The following BPIFA2 variants were observed in gnomAD, a reference collection of about 807,000 sequenced individuals.
The protein encoded by BPIFA2 is BPI fold containing family A member 2.
Under a neutral mutation model 25.7 loss-of-function variants are expected in BPIFA2, and 20 were observed. That is an observed-to-expected ratio of 0.78 (90% CI 0.55 to 1.13). The LOEUF is 1.13. BPIFA2 is among the 50% of genes most tolerant of loss of function. The pLI is 0.00. For synonymous variants in BPIFA2, 126 were observed against 124.3 expected (o/e 1.01, Z -0.09); for missense variants, 300 against 298.1 (o/e 1.01, Z -0.05).
At chr20:33,169,851 T>C (rs1184505705) in intron 2 of BPIFA2, among the ~76,000 whole-genome samples, 1 of 152,230 alleles carries the variant, frequency 6.6e-6, no homozygotes, top group Non-Finnish European at 1.5e-5. Flanking sequence ...CTTGTGTTAA[T>C]TCAGTGAAAA....
chr20:33,179,655 C>T lies in BPIFA2; in HGVS notation c.697C>T (p.Gln233Ter), dbSNP rs149285854. ...CCACTCCCTGGATGTGAATGTCATT[C>T]AGCAGGTCGTCGGTAAGTCAATGGG... ...FIHSLDVNVI[Q>*]QVVDNPQHKT... is the part of the protein sequence containing the mutation. Residue 233 changes from glutamine (Q) to a stop codon, truncating the protein, a stop_gained, in exon 7 of 9, where the codon CAG (glutamine) becomes TAG (stop). Coordinates refer to ENST00000354932, the MANE Select transcript of BPIFA2 (RefSeq NM_080574.4). LOFTEE classifies it high-confidence loss of function. The T allele has an allele frequency of 1.4e-3, 2,233 of 1,611,882 alleles. 40 individuals are homozygous for T. The highest frequency in any genetic ancestry group is 0.014 in the South Asian group (1,257 of 91,044).
At chr20:33,180,275 T>G (rs759419022) in intron 7 of BPIFA2, among the ~76,000 whole-genome samples, 5 of 151,970 alleles carry the variant, frequency 3.3e-5, no homozygotes, top group Admixed American at 1.3e-4. Context: ...GTCCAGTCCC[T>G]TAGGCAGTCA....
In BPIFA2 at chr20:33,172,987, G is replaced by A. The variant is rs1347712940; in HGVS notation, c.213G>A (p.Trp71Ter). The A allele has an allele frequency of 3.1e-6, 5 of 1,613,924 alleles. No individual in the cohort carries two copies. The highest frequency in any genetic ancestry group is 2.2e-5 in the South Asian group (2 of 91,070). The change falls in exon 3 of 9, where the codon TGG (tryptophan) becomes TGA (stop). Residue 71 changes from tryptophan (W) to a stop codon, truncating the protein, a stop_gained. Coordinates refer to ENST00000354932, the MANE Select transcript of BPIFA2 (RefSeq NM_080574.4). LOFTEE classifies it high-confidence loss of function. ...DLGVLQKSSAWQLAKQKAQEA... is the reference protein window; with the variant it reads ...DLGVLQKSSA ...GAGTGCTTCAGAAATCCAGTGCTTGGCAACTGGCCAAGCAGAAGGCCCAGG... is the reference window on the plus strand; with the variant it reads ...GAGTGCTTCAGAAATCCAGTGCTTGACAACTGGCCAAGCAGAAGGCCCAGG...
At chr20:33,168,096 T>C (rs1187366435), upstream of BPIFA2, 1 of 152,096 alleles carries the variant, frequency 6.6e-6, no homozygotes, top group Non-Finnish European at 1.5e-5. Flanking sequence ...AAGGCTTGCT[T>C]CTGTGGGCAG....
intron 4 of BPIFA2, among the ~76,000 whole-genome samples, chr20:33,174,958 G>T (rs941760020): frequency 1.1e-4 from 16 of 152,166 alleles, no homozygotes; most frequent in Non-Finnish European, 8.8e-5. Context: ...CAAGAAATGA[G>T]CATGTGTGAA....
intron 2 of BPIFA2, 105 bp downstream of exon 2, chr20:33,169,407 T>G: frequency 8.4e-7 from 1 of 1,193,756 alleles, no homozygotes. Flanking sequence ...ATGGGCGGTT[T>G]ACTGAGAAAA....
upstream of BPIFA2, among the ~76,000 whole-genome samples, chr20:33,166,755 C>T (rs555598014): frequency 6.6e-6 from 1 of 152,258 alleles, no homozygotes; most frequent in South Asian, 2.1e-4. Flanking sequence ...CCAGGAACAG[C>T]GTGTTTACCC....
chr20:33,164,432 G>A (rs1246811788), upstream of BPIFA2, among the ~76,000 whole-genome samples: 1 of 152,154 alleles, frequency 6.6e-6, no homozygotes, highest in Non-Finnish European at 1.5e-5. Context: ...CTGGGTACTG[G>A]GACCTCGGAG....
chr20:33,174,115 A>T lies in BPIFA2; in HGVS notation c.339A>T (p.Lys113Asn). The T allele has an allele frequency of 1.9e-6, 3 of 1,614,170 alleles. No homozygotes were observed. Among genetic ancestry groups the T allele is most frequent in the Non-Finnish European group, 2.5e-6 (3 of 1,180,020 alleles). The change falls in exon 4 of 9, where the codon AAA becomes AAT. Residue 113 changes from lysine to asparagine, a missense_variant. Physicochemically the swap from Lys to Asn is moderately conservative, Grantham distance 94 (BLOSUM62 0). Coordinates refer to ENST00000354932, the MANE Select transcript of BPIFA2 (RefSeq NM_080574.4). ...GCAACTCCCTCATCCTGGATGTCAA[A>T]GCTGAACCGATCGATGATGGCAAAG... ...KISNSLILDVKAEPIDDGKGL... is the reference protein window; with the variant it reads ...KISNSLILDVNAEPIDDGKGL...
chr20:33,169,020 T>C (rs1268391145), intron 1 of BPIFA2, 111 bp from the exon 2 acceptor site: 6 of 1,024,162 alleles, frequency 5.9e-6, no homozygotes, highest in Non-Finnish European at 8.6e-6. Context: ...AAATAGGAAA[T>C]AACCACATCT....
At chr20:33,166,412 C>T (rs929481646), upstream of BPIFA2, among the ~76,000 whole-genome samples, 3 of 152,174 alleles carry the variant, frequency 2.0e-5, no homozygotes, top group African/African-American at 4.8e-5. Flanking sequence ...ACCATATGCG[C>T]ACATATTCAT....
chr20:33,175,354 G>A (rs1247619630), intron 4 of BPIFA2, 53 bp from the exon 5 acceptor site: 4 of 1,558,224 alleles, frequency 2.6e-6, no homozygotes, highest in Non-Finnish European at 3.5e-6. Flanking sequence ...ACCCAACTGG[G>A]CAACAGGCAG....
In BPIFA2 at chr20:33,175,519, G is replaced by T; in HGVS notation, c.523G>T (p.Ala175Ser). 6.2e-7 allele frequency: 1 copy of T among 1,614,092 alleles called. No individual in the cohort carries two copies. The highest frequency in any genetic ancestry group is 8.5e-7 in the Non-Finnish European group (1 of 1,180,004). ...HQPVAVLGEC[A>S]SDPTSISLSL... ...GCCTGTTGCCGTCCTGGGAGAATGC[G>T]CCAGTGACCCAACCAGCATCTCACT... Residue 175 changes from alanine (A) to serine (S), a missense_variant, in exon 5 of 9, where the codon GCC (alanine) becomes TCC (serine). Coordinates refer to ENST00000354932, the MANE Select transcript of BPIFA2 (RefSeq NM_080574.4).
chr20:33,174,096 C>T lies in BPIFA2; in HGVS notation c.320C>T (p.Ser107Phe). ...TDIFGLKISNSLILDVKAEPI... is the reference protein window; with the variant it reads ...TDIFGLKISNFLILDVKAEPI... ...TCACACAGGTTGAAAATCAGCAACTCCCTCATCCTGGATGTCAAAGCTGAA... is the reference window on the plus strand; with the variant it reads ...TCACACAGGTTGAAAATCAGCAACTTCCTCATCCTGGATGTCAAAGCTGAA... Residue 107 changes from serine to phenylalanine, a missense_variant, in exon 4 of 9, where the codon TCC (serine) becomes TTC (phenylalanine). Transcript: ENST00000354932. 1 of 1,614,162 alleles carries T rather than the reference C, an allele frequency of 6.2e-7. No homozygotes were observed. The highest frequency in any genetic ancestry group is 8.5e-7 in the Non-Finnish European group (1 of 1,180,004).
At chr20:33,173,638 G>A (rs1568608329) in intron 3 of BPIFA2, among the ~76,000 whole-genome samples, 1 of 152,160 alleles carries the variant, frequency 6.6e-6, no homozygotes, top group Non-Finnish European at 1.5e-5. Context: ...CTGAGTAGCT[G>A]GGATTAGAGG....
chr20:33,168,583 TTACTG>T (rs1413053519), intron 1 of BPIFA2, among the ~76,000 whole-genome samples: 83 of 152,340 alleles, frequency 5.4e-4, no homozygotes, highest in African/African-American at 1.8e-3. Context: ...ATTTATTCGT[TTACTG>T]TACTGTACTA....
Position 33,174,116 on chromosome 20 carries a change from G to A in BPIFA2, c.340G>A (p.Ala114Thr), listed in dbSNP as rs775821860. 4.3e-6 allele frequency: 7 copies of A among 1,614,084 alleles called. No homozygotes were observed. In the South Asian group the frequency reaches 7.7e-5, roughly 18 times the overall value. The change falls in exon 4 of 9, where the codon GCT becomes ACT. Residue 114 changes from alanine (A) to threonine (T), a missense_variant. Transcript: ENST00000354932. Reference protein sequence around the residue: ...ISNSLILDVKAEPIDDGKGLN... With the variant: ...ISNSLILDVKTEPIDDGKGLN... ...CAACTCCCTCATCCTGGATGTCAAAGCTGAACCGATCGATGATGGCAAAGG... is the reference window on the plus strand; with the variant it reads ...CAACTCCCTCATCCTGGATGTCAAAACTGAACCGATCGATGATGGCAAAGG...
chr20:33,179,785 A>G, intron 7 of BPIFA2, 118 bp downstream of exon 7: 1 of 1,037,726 alleles, frequency 9.6e-7, no homozygotes, highest in South Asian at 1.4e-5. Flanking sequence ...TCCTAAGCAA[A>G]TTGGGAGCCA....
At chr20:33,166,957 G>A (rs1983744738), upstream of BPIFA2, among the ~76,000 whole-genome samples, 1 of 152,196 alleles carries the variant, frequency 6.6e-6, no homozygotes, top group African/African-American at 2.4e-5. Flanking sequence ...CCGGTGTCAG[G>A]CAGCCAGGGA....
Sources: gnomAD v4.1 joint callset for allele counts (sites outside exome capture counted in the v4.1 genomes callset) on GRCh38, gnomAD v4.1.1 for gene constraint, MANE v1.5 for transcripts, NCBI Gene and HGNC (gene_info 2026-07-23, HGNC 2026-07-21) for gene names.